BICC1: variants seen among roughly 807,000 people sequenced by gnomAD.
The protein encoded by BICC1 is BicC family RNA binding protein 1.
BICC1 carries 43 observed loss-of-function variants against 111.0 expected under a neutral mutation model. The observed-to-expected ratio is 0.39, with a 90% CI of 0.30 to 0.50. The LOEUF (loss-of-function observed/expected upper bound fraction) is 0.50. Among genes scored for constraint, BICC1 ranks in the 20% least tolerant of loss-of-function variants. The pLI is 0.88. For missense variants in BICC1, 1,091 were observed against 1,203.2 expected, an observed-to-expected ratio of 0.91 and a Z score of 1.38; for synonymous variants, 467 against 434.4, an observed-to-expected ratio of 1.07 and a Z score of -0.93.
intron 2 of BICC1, among the ~76,000 whole-genome samples, chr10:58,641,979 T>C (rs4948529): frequency 0.98 from 148,636 of 152,314 alleles, 72,625 homozygotes; most frequent in East Asian, 1. Context: ...TAATTTAACA[T>C]TGAAACATAG....
At chr10:58,526,905 T>C (rs1287425942) in intron 1 of BICC1, among the ~76,000 whole-genome samples, 1 of 152,256 alleles carries the variant, frequency 6.6e-6, no homozygotes, top group African/African-American at 2.4e-5. Context: ...CATGTATCTT[T>C]ATAGCAGCAT....
At chr10:58,801,667 C>G (rs532052748) in intron 14 of BICC1, among the ~76,000 whole-genome samples, 1 of 152,018 alleles carries the variant, frequency 6.6e-6, no homozygotes, top group South Asian at 2.1e-4. Context: ...TTCCGTCCAC[C>G]TGATTTCCTC....
At chr10:58,789,161 G>A (rs1843100323) in intron 6 of BICC1, 101 bp from the exon 7 acceptor site, 1 of 1,015,374 alleles carries the variant, frequency 9.8e-7, no homozygotes, top group Admixed American at 2.4e-5. Flanking sequence ...GGCAGTTTAT[G>A]CTTTAAAATC....
At chr10:58,721,101 G>A (rs1240999744) in intron 3 of BICC1, among the ~76,000 whole-genome samples, 1 of 152,194 alleles carries the variant, frequency 6.6e-6, no homozygotes, top group African/African-American at 2.4e-5. Context: ...CTCAGTGAAG[G>A]GCTGGAGTCA....
At chr10:58,648,628 A>T (rs1386155864) in intron 2 of BICC1, 1 of 984,964 alleles carries the variant, frequency 1.0e-6, no homozygotes, top group East Asian at 1.1e-4. Context: ...TTACAGAGAC[A>T]CACACAGAGG....
intron 1 of BICC1, among the ~76,000 whole-genome samples, chr10:58,612,824 A>G (rs1845475421): frequency 6.6e-6 from 1 of 152,210 alleles, no homozygotes; most frequent in Admixed American, 6.5e-5. Context: ...ATAAAGCATC[A>G]GATGTTATAA....
At chr10:58,691,337 C>A (rs1372466110) in intron 2 of BICC1, among the ~76,000 whole-genome samples, 2 of 152,046 alleles carry the variant, frequency 1.3e-5, no homozygotes, top group East Asian at 3.9e-4. Flanking sequence ...TTGTAGTTAC[C>A]CATGAGATCT....
intron 2 of BICC1, among the ~76,000 whole-genome samples, chr10:58,682,888 T>A (rs1289268873): frequency 6.6e-6 from 1 of 152,244 alleles, no homozygotes; most frequent in East Asian, 1.9e-4. Flanking sequence ...TTTAGTTTAA[T>A]TAGATCCCAT....
At chr10:58,735,376 A>G (rs1366804713) in intron 3 of BICC1, among the ~76,000 whole-genome samples, 1 of 152,202 alleles carries the variant, frequency 6.6e-6, no homozygotes, top group Non-Finnish European at 1.5e-5. Flanking sequence ...ATGCTGTTAA[A>G]GCCCTTCGAT....
At chr10:58,698,223 A>G (rs769823640) in intron 2 of BICC1, among the ~76,000 whole-genome samples, 1 of 152,100 alleles carries the variant, frequency 6.6e-6, no homozygotes, top group Non-Finnish European at 1.5e-5. Context: ...AGTCAGTTTG[A>G]AGGGTATTAG....
chr10:58,741,165 C>T (rs1012254618), intron 3 of BICC1, among the ~76,000 whole-genome samples: 4 of 151,964 alleles, frequency 2.6e-5, no homozygotes, highest in Non-Finnish European at 5.9e-5. Flanking sequence ...AGAGGGCAGA[C>T]GAGTTGTTGG....
chr10:58,710,058 C>T (rs1360879622), intron 3 of BICC1, among the ~76,000 whole-genome samples: 1 of 152,160 alleles, frequency 6.6e-6, no homozygotes, highest in African/African-American at 2.4e-5. Flanking sequence ...GTTGAAACCT[C>T]CTGGGGTCAG....
At chr10:58,744,844 G>A (rs1206562954) in intron 3 of BICC1, among the ~76,000 whole-genome samples, 1 of 152,134 alleles carries the variant, frequency 6.6e-6, no homozygotes, top group African/African-American at 2.4e-5. Context: ...ATCTGGAGGT[G>A]ATCAGAGATA....
intron 3 of BICC1, among the ~76,000 whole-genome samples, chr10:58,705,691 AATT>A (rs1246546513): frequency 1.3e-5 from 2 of 152,178 alleles, no homozygotes; most frequent in Non-Finnish European, 2.9e-5. Context: ...GGAACTATAG[AATT>A]ATTTAAACTT....
chr10:58,700,061 C>T (rs761370488), intron 2 of BICC1, among the ~76,000 whole-genome samples: 6 of 152,258 alleles, frequency 3.9e-5, no homozygotes, highest in Non-Finnish European at 5.9e-5. Context: ...TAGTTAAATC[C>T]GGGGCCTGCT....
At chr10:58,548,558 T>C (rs1024095298) in intron 1 of BICC1, among the ~76,000 whole-genome samples, 5 of 152,224 alleles carry the variant, frequency 3.3e-5, no homozygotes, top group African/African-American at 1.2e-4. Flanking sequence ...AAATTTACAA[T>C]GTCATGTATC....
chr10:58,764,820 G>T (rs998922990), intron 3 of BICC1, among the ~76,000 whole-genome samples: 3 of 151,946 alleles, frequency 2.0e-5, no homozygotes, highest in African/African-American at 7.2e-5. Context: ...AACTAAACCT[G>T]GATAAGTTCA....
At chr10:58,710,361 T>C (rs1374734828) in intron 3 of BICC1, among the ~76,000 whole-genome samples, 1 of 152,192 alleles carries the variant, frequency 6.6e-6, no homozygotes, top group Non-Finnish European at 1.5e-5. Flanking sequence ...TATAATAATA[T>C]CTCTTCAGCA....
intron 2 of BICC1, among the ~76,000 whole-genome samples, chr10:58,660,679 C>A (rs1282703252): frequency 6.6e-6 from 1 of 152,178 alleles, no homozygotes; most frequent in Non-Finnish European, 1.5e-5. Context: ...CTTCTGACAT[C>A]TTTGTACCCT....
Sources: allele counts gnomAD v4.1 joint callset (sites outside exome capture counted in the v4.1 genomes callset), GRCh38; gene constraint gnomAD v4.1.1; transcripts MANE v1.5; gene names NCBI Gene and HGNC (gene_info 2026-07-23, HGNC 2026-07-21).